Variants in TASP1 observed in about 807,000 individuals in gnomAD.
TASP1 encodes the protein threonine aspartase 1.
Under a neutral mutation model 56.6 loss-of-function variants are expected in TASP1, and 16 were observed. That is an observed-to-expected ratio of 0.28 (90% CI 0.19 to 0.43). The LOEUF (loss-of-function observed/expected upper bound fraction) is 0.43. Among genes scored for constraint, TASP1 ranks in the 20% least tolerant of loss-of-function variants. The pLI, the probability that TASP1 is intolerant of heterozygous loss-of-function variation, is 1.00. For missense variants in TASP1, 393 were observed against 511.6 expected (o/e 0.77, Z 2.24); for synonymous variants, 179 against 184.2 (o/e 0.97, Z 0.23).
At chr20:13,283,452 T>C in the TASP1 span, among the ~76,000 whole-genome samples, 1 of 152,174 alleles carries the variant, frequency 6.6e-6, no homozygotes, top group Non-Finnish European at 1.5e-5. Flanking sequence ...TAAGAATTTA[T>C]ATATTTGTCC....
chr20:13,202,747 G>C, the TASP1 span, among the ~76,000 whole-genome samples: 1 of 152,224 alleles, frequency 6.6e-6, no homozygotes, highest in Non-Finnish European at 1.5e-5. Flanking sequence ...GAAAACGGAA[G>C]TGAGGTACGG....
At chr20:13,373,125 T>C in the TASP1 span, among the ~76,000 whole-genome samples, 1 of 152,092 alleles carries the variant, frequency 6.6e-6, no homozygotes, top group Non-Finnish European at 1.5e-5. Context: ...TGTTCCCATG[T>C]GTTCAAGTTA....
At chr20:13,184,245 A>G in the TASP1 span, among the ~76,000 whole-genome samples, 1 of 152,170 alleles carries the variant, frequency 6.6e-6, no homozygotes, top group South Asian at 2.1e-4. Flanking sequence ...AGAACAAAAG[A>G]GAAGAATACA....
intron 1 of TASP1, among the ~76,000 whole-genome samples, chr20:13,636,140 CTTTT>C (rs36048272): frequency 0.012 from 1,173 of 98,002 alleles, 8 homozygotes; most frequent in African/African-American, 0.045. Context: ...TGTGTTGTTG[CTTTT>C]TTTTTTTTTT....
chr20:13,512,551 T>A (rs1865281909), intron 10 of TASP1, among the ~76,000 whole-genome samples: 1 of 152,302 alleles, frequency 6.6e-6, no homozygotes, highest in Middle Eastern at 3.4e-3. Context: ...ATTCTGTAGG[T>A]TGCCTGTTCA....
At chr20:13,458,292 A>G (rs73901179) in intron 11 of TASP1, among the ~76,000 whole-genome samples, 13,896 of 152,178 alleles carry the variant, frequency 0.091, 1,207 homozygotes, top group African/African-American at 0.23. Context: ...AAAGGAAGAA[A>G]AAGAGTGCCA....
At chr20:13,534,956 A>C (rs1177949085) in intron 8 of TASP1, among the ~76,000 whole-genome samples, 1 of 152,148 alleles carries the variant, frequency 6.6e-6, no homozygotes, top group Non-Finnish European at 1.5e-5. Context: ...CATATATTAA[A>C]AAGGGGGGTT....
chr20:13,110,382 A>T, the TASP1 span, among the ~76,000 whole-genome samples: 3 of 152,298 alleles, frequency 2.0e-5, no homozygotes, highest in Admixed American at 6.5e-5. Flanking sequence ...GACGTGGGTT[A>T]TCTGTCTTTT....
chr20:13,517,945 G>GT (rs1421715870), intron 10 of TASP1, among the ~76,000 whole-genome samples: 1 of 152,070 alleles, frequency 6.6e-6, no homozygotes, highest in Non-Finnish European at 1.5e-5. Flanking sequence ...TCTGTTATCT[G>GT]TAAATGAATA....
chr20:13,523,002 C>G (rs771462150), intron 10 of TASP1, among the ~76,000 whole-genome samples: 12 of 152,134 alleles, frequency 7.9e-5, no homozygotes, highest in Non-Finnish European at 1.8e-4. Context: ...AGGATAATCA[C>G]ATGACTTTAG....
chr20:13,547,878 A>G (rs958245251), intron 8 of TASP1, among the ~76,000 whole-genome samples: 3 of 152,200 alleles, frequency 2.0e-5, no homozygotes, highest in Middle Eastern at 3.2e-3. Context: ...CATGGTAAAT[A>G]AGACATACAA....
intron 11 of TASP1, among the ~76,000 whole-genome samples, chr20:13,436,430 C>G (rs2043005892): frequency 6.6e-6 from 1 of 151,682 alleles, no homozygotes; most frequent in South Asian, 2.1e-4. Context: ...AGCCCATAAT[C>G]TTTATTCTCT....
At chr20:13,165,036 C>T in the TASP1 span, 1 of 564,774 alleles carries the variant, frequency 1.8e-6, no homozygotes, top group Non-Finnish European at 3.1e-6. Context: ...CCAGCTTGGA[C>T]TGCAGAGACA....
chr20:13,127,170 A>C, the TASP1 span, among the ~76,000 whole-genome samples: 1 of 152,206 alleles, frequency 6.6e-6, no homozygotes, highest in African/African-American at 2.4e-5. Flanking sequence ...TATATAGACA[A>C]AACACACACA....
chr20:13,510,384 C>A (rs1441916429), intron 10 of TASP1, among the ~76,000 whole-genome samples: 1 of 152,090 alleles, frequency 6.6e-6, no homozygotes, highest in Non-Finnish European at 1.5e-5. Context: ...ATGAAAAAGG[C>A]CAGATTCCAC....
At chr20:13,272,953 T>A in the TASP1 span, among the ~76,000 whole-genome samples, 56,873 of 152,110 alleles carry the variant, frequency 0.37, 10,715 homozygotes, top group Middle Eastern at 0.46. Context: ...GAGGTGGGAA[T>A]GTCACTTGGG....
chr20:13,405,551 ATTAAG>A (rs1394652712), intron 13 of TASP1, among the ~76,000 whole-genome samples: 5 of 151,950 alleles, frequency 3.3e-5, no homozygotes, highest in African/African-American at 4.8e-5. Flanking sequence ...AATTTAATTA[ATTAAG>A]TTATTTTTGA....
the TASP1 span, among the ~76,000 whole-genome samples, chr20:13,196,362 T>C: frequency 6.6e-6 from 1 of 152,216 alleles, no homozygotes. Context: ...AGTGAACTGT[T>C]AGCTATATTT....
chr20:13,576,342 G>GAAGAAAGAAAGA (rs71188165), intron 6 of TASP1, among the ~76,000 whole-genome samples: 2,653 of 131,660 alleles, frequency 0.02, 37 homozygotes, highest in Admixed American at 0.033. Context: ...AGAAAGAAAG[G>GAAGAAAGAAAGA]AAGAAAGAAA....
Sources: allele counts gnomAD v4.1 joint callset (sites outside exome capture counted in the v4.1 genomes callset), GRCh38; gene constraint gnomAD v4.1.1; transcripts MANE v1.5; gene names NCBI Gene and HGNC (gene_info 2026-07-23, HGNC 2026-07-21).